The following GRAMD1C variants were observed in gnomAD, a reference collection of about 807,000 sequenced individuals.
GRAMD1C encodes the protein protein Aster-C.
Under a neutral mutation model 97.8 loss-of-function variants are expected in GRAMD1C, and 89 were observed. The ratio of observed to expected loss-of-function variants is 0.91; its 90% CI spans 0.77 to 1.09. GRAMD1C has a LOEUF of 1.09. GRAMD1C is among the 50% of genes least tolerant of loss of function. The probability of loss-of-function intolerance (pLI) is 0.00; values close to 1 mark genes in which losing one functional copy is unlikely to be tolerated. For missense variants in GRAMD1C, 740 were observed against 766.4 expected, an observed-to-expected ratio of 0.97 and a Z score of 0.41; for synonymous variants, 256 against 267.0, an observed-to-expected ratio of 0.96 and a Z score of 0.40.
chr3:113,862,338 C>T (rs1448117837), intron 2 of GRAMD1C, among the ~76,000 whole-genome samples: 1 of 152,172 alleles, frequency 6.6e-6, no homozygotes, highest in Non-Finnish European at 1.5e-5. Context: ...CAGAGGCCTA[C>T]CCTCAGGGAC....
At chr3:113,868,930 T>A (rs1189505314) in intron 2 of GRAMD1C, among the ~76,000 whole-genome samples, 1 of 152,034 alleles carries the variant, frequency 6.6e-6, no homozygotes, top group African/African-American at 2.4e-5. Context: ...AATTTGCCAT[T>A]CTGCTTGCTC....
chr3:113,934,544 ATTTT>A lies in GRAMD1C; in HGVS notation c.1456+13_1456+16del. 1 of 1,189,534 alleles carries A rather than the reference ATTTT, an allele frequency of 8.4e-7. No individual in the cohort carries two copies. The highest frequency in any genetic ancestry group is 1.2e-6 in the Non-Finnish European group (1 of 825,334). The allele number at this position is 1,189,534 out of a possible 1,614,324, so 73.7% of individuals were successfully genotyped here. On this transcript the variant is annotated intron_variant, in intron 13 of 17. Coordinates refer to ENST00000358160, the MANE Select transcript of GRAMD1C (RefSeq NM_017577.5). Reference sequence around the variant, plus strand: ...CTATTTCAAACAGCTTGGTTTGTAAATTTTTTTATTTATCTATTTTTGTAAAGAT... The same window carrying A: ...CTATTTCAAACAGCTTGGTTTGTAAATTTATTTATCTATTTTTGTAAAGAT...
At chr3:113,848,144 T>C (rs1450921408) in intron 2 of GRAMD1C, among the ~76,000 whole-genome samples, 1 of 152,230 alleles carries the variant, frequency 6.6e-6, no homozygotes, top group Non-Finnish European at 1.5e-5. Flanking sequence ...CATGATATAA[T>C]TGAACACATT....
chr3:113,828,696 G>C (rs1709519063), intron 1 of GRAMD1C, among the ~76,000 whole-genome samples: 1 of 151,870 alleles, frequency 6.6e-6, no homozygotes, highest in South Asian at 2.1e-4. Context: ...TTTGCTCCTT[G>C]CTCATGTCGC....
At chr3:113,876,315 T>C in intron 5 of GRAMD1C, 55 bp downstream of exon 5, 1 of 857,506 alleles carries the variant, frequency 1.2e-6, no homozygotes, top group Non-Finnish European at 2.0e-6. Flanking sequence ...ATCTCCCTCA[T>C]ACTCATCATC....
chr3:113,836,358 T>C (rs1709631336), upstream of GRAMD1C, among the ~76,000 whole-genome samples: 1 of 152,202 alleles, frequency 6.6e-6, no homozygotes, highest in African/African-American at 2.4e-5. Flanking sequence ...TCTTCAACTT[T>C]ACATTATGAT....
intron 9 of GRAMD1C, 72 bp downstream of exon 9, chr3:113,909,192 T>G: frequency 1.4e-6 from 1 of 691,974 alleles, no homozygotes; most frequent in Non-Finnish European, 2.2e-6. Flanking sequence ...AATAGGGGTG[T>G]GCAGATTGAG....
In GRAMD1C at chr3:113,940,065, A is replaced by C. The variant is rs1937698331; in HGVS notation, c.1802+69A>C. The stretch of plus-strand genomic sequence containing the variant: ...GTAATTCTTCAGTTGCAGAAAACTT[A>C]ATTTCAGTTTCAGAGACTGTGGTCT... On this transcript the variant is annotated intron_variant, in intron 16 of 17. Coordinates refer to ENST00000358160, the MANE Select transcript of GRAMD1C (RefSeq NM_017577.5). 7.1e-6 allele frequency: 7 copies of C among 981,728 alleles called. No homozygotes were observed. The East Asian group carries it at 1.7e-4, about 23-fold the overall frequency. 60.8% of individuals were successfully genotyped at this position (981,728 alleles called of 1,614,324 possible). A position where few individuals can be genotyped will look rare whatever the true frequency, so the allele number is the denominator to read the frequency against.
intron 10 of GRAMD1C, among the ~76,000 whole-genome samples, chr3:113,930,196 G>A (rs1471246362): frequency 2.6e-5 from 4 of 152,030 alleles, no homozygotes; most frequent in Non-Finnish European, 5.9e-5. Flanking sequence ...ATGTTCCATT[G>A]CCTTACTGTG....
At chr3:113,893,380 G>GC (rs1018401674) in intron 6 of GRAMD1C, among the ~76,000 whole-genome samples, 8 of 142,240 alleles carry the variant, frequency 5.6e-5, no homozygotes, top group African/African-American at 2.1e-4. Context: ...TAAATGTTCT[G>GC]CTTTTTTTTT....
At chr3:113,900,138 C>T (rs148914589) in intron 6 of GRAMD1C, among the ~76,000 whole-genome samples, 3,359 of 151,918 alleles carry the variant, frequency 0.022, 89 homozygotes, top group South Asian at 0.055. Context: ...GAGGGTGGAT[C>T]ACTTGAGGTC....
chr3:113,897,787 A>T (rs1577179474), intron 6 of GRAMD1C: 2 of 983,376 alleles, frequency 2.0e-6, no homozygotes. Context: ...TGTAGGCTGA[A>T]AGGGAGAGAC....
chr3:113,872,298 G>A (rs1391565894), intron 3 of GRAMD1C, among the ~76,000 whole-genome samples: 1 of 151,704 alleles, frequency 6.6e-6, no homozygotes, highest in Non-Finnish European at 1.5e-5. Flanking sequence ...AAACTTAAAT[G>A]GGAACAGACT....
In GRAMD1C at chr3:113,869,539, G is replaced by A. The variant is rs1934709618; in HGVS notation, c.207G>A (p.Glu69=). 1 of 1,539,060 alleles carries A rather than the reference G, an allele frequency of 6.5e-7. No homozygotes were observed. Among genetic ancestry groups the A allele is most frequent in the East Asian group, 2.3e-5 (1 of 44,228 alleles). ...GTTCCACCTATAAAGACAGGAATGA[G>A]GAATACAGAAGACAGTTCACACATC... The part of the protein sequence containing the change: ...ISSSTYKDRN[E]EYRRQFTHLP... Residue 69 remains glutamate, a synonymous_variant, in exon 3 of 18, where the codon GAG becomes GAA. Transcript: ENST00000358160.
In GRAMD1C at chr3:113,844,518, G is replaced by A. The variant is rs1933523772; in HGVS notation, c.43G>A (p.Asp15Asn). 6.2e-7 allele frequency: 1 copy of A among 1,601,292 alleles called. No individual in the cohort carries two copies. Among genetic ancestry groups the A allele is most frequent in the Non-Finnish European group, 8.5e-7 (1 of 1,170,738 alleles). Residue 15 changes from aspartate (D) to asparagine (N), a missense_variant, in exon 2 of 18, where the codon GAT becomes AAT. Coordinates refer to ENST00000358160, the MANE Select transcript of GRAMD1C (RefSeq NM_017577.5). ...TTGTTTCCAGGTGATGAATGAAGGG[G>A]ATTCAAGCCTTGCCACCGACTTACA... Reference protein sequence around the residue: ...PTVRQVMNEGDSSLATDLQED... With the variant: ...PTVRQVMNEGNSSLATDLQED...
intron 2 of GRAMD1C, among the ~76,000 whole-genome samples, chr3:113,866,299 T>TA (rs1934582890): frequency 6.6e-6 from 1 of 152,194 alleles, no homozygotes. Flanking sequence ...ACCCTTTTAT[T>TA]ATTATGAAAT....
chr3:113,929,602 C>A (rs1577216784), intron 10 of GRAMD1C, among the ~76,000 whole-genome samples: 1 of 152,140 alleles, frequency 6.6e-6, no homozygotes, highest in Non-Finnish European at 1.5e-5. Flanking sequence ...CCAAAGTAAT[C>A]TTCTGAAAAG....
At chr3:113,876,761 G>A (rs1174156311) in intron 5 of GRAMD1C, among the ~76,000 whole-genome samples, 1 of 151,478 alleles carries the variant, frequency 6.6e-6, no homozygotes, top group Non-Finnish European at 1.5e-5. Context: ...TTAACCACCT[G>A]GAAAATTGGT....
chr3:113,834,828 T>C (rs1159250705), upstream of GRAMD1C, among the ~76,000 whole-genome samples: 1 of 150,562 alleles, frequency 6.6e-6, no homozygotes, highest in Admixed American at 6.6e-5. Context: ...TTATCCCAGC[T>C]ACTCCAGAGG....
Sources: allele counts gnomAD v4.1 joint callset (sites outside exome capture counted in the v4.1 genomes callset), GRCh38; gene constraint gnomAD v4.1.1; transcripts MANE v1.5; gene names NCBI Gene and HGNC (gene_info 2026-07-23, HGNC 2026-07-21).